The following FAM78B variants were observed in gnomAD, a reference collection of about 807,000 sequenced individuals.
FAM78B encodes family with sequence similarity 78 member B.
A neutral mutation model predicts 20.0 loss-of-function variants in FAM78B; 10 were observed. The observed-to-expected ratio is 0.50, with a 90% CI of 0.31 to 0.85. The LOEUF (loss-of-function observed/expected upper bound fraction) is 0.85, where lower values mean the gene tolerates loss of function less well. Ranked by LOEUF, FAM78B falls within the 40% of genes least tolerant of loss-of-function variation. FAM78B has a pLI of 0.05. For synonymous variants in FAM78B, 135 were observed against 132.8 expected (o/e 1.02, Z -0.12); for missense variants, 283 against 345.0 (o/e 0.82, Z 1.42).
intron 1 of FAM78B, among the ~76,000 whole-genome samples, chr1:166,128,060 T>A (rs1329886465): frequency 6.6e-6 from 1 of 152,184 alleles, no homozygotes; most frequent in Non-Finnish European, 1.5e-5. Context: ...GGAAAACTTA[T>A]AGTAAATAAA....
chr1:166,166,957 A>G lies in FAM78B; in HGVS notation c.-709T>C, dbSNP rs1325503108. On this transcript the variant is annotated 5_prime_UTR_variant, in exon 1 of 2. Coordinates refer to ENST00000354422, the MANE Select transcript of FAM78B (RefSeq NM_001017961.5). Reference sequence around the variant, plus strand: ...CGGGGTGGAGAGCCCCAACGGCTGGAGCAGCACAGGACGTGCTCCGCGGAG... The same window carrying G: ...CGGGGTGGAGAGCCCCAACGGCTGGGGCAGCACAGGACGTGCTCCGCGGAG... 3 of 145,726 alleles carry G rather than the reference A, an allele frequency of 2.1e-5. No homozygotes were observed. Among genetic ancestry groups the G allele is most frequent in the East Asian group, 2.1e-4 (1 of 4,666 alleles). The allele number at this position is 145,726 out of a possible 1,614,324, so 9.0% of individuals were successfully genotyped here.
intron 1 of FAM78B, among the ~76,000 whole-genome samples, chr1:166,096,883 T>C (rs543764144): frequency 7.9e-5 from 12 of 152,256 alleles, no homozygotes; most frequent in East Asian, 3.9e-4. Flanking sequence ...CAAGACTAGA[T>C]TGCAGCTCTG....
intron 1 of FAM78B, among the ~76,000 whole-genome samples, chr1:166,162,607 C>T (rs896768835): frequency 6.6e-6 from 1 of 152,160 alleles, no homozygotes; most frequent in Non-Finnish European, 1.5e-5. Flanking sequence ...CCATTATAAA[C>T]GTCTTCCACT....
chr1:166,088,162 G>T (rs1301974933), intron 1 of FAM78B, among the ~76,000 whole-genome samples: 1 of 152,190 alleles, frequency 6.6e-6, no homozygotes, highest in Non-Finnish European at 1.5e-5. Flanking sequence ...GATGATTCTG[G>T]CATCCATGTG....
At position 166,070,350 on chromosome 1, in the gene FAM78B, A is replaced by G. The variant is rs1377399168; in HGVS notation, c.677T>C (p.Met226Thr). Residue 226 changes from methionine (M) to threonine (T), a missense_variant, in exon 2 of 2, where the codon ATG becomes ACG. Met to Thr is a moderately conservative substitution (Grantham distance 81). Coordinates refer to ENST00000354422, the MANE Select transcript of FAM78B (RefSeq NM_001017961.5). ...TAGTGCATTAGGGGGGATGGGTTCCATCCGGCTCAGGATCCGGGGCTGCTC... is the reference window on the plus strand; with the variant it reads ...TAGTGCATTAGGGGGGATGGGTTCCGTCCGGCTCAGGATCCGGGGCTGCTC... ...QQEQPRILSR[M>T]EPIPPNALVK... The G allele has an allele frequency of 1.9e-6, 3 of 1,612,868 alleles. No individual in the cohort carries two copies. The South Asian group carries it at 3.3e-5, about 18-fold the overall frequency.
At chr1:166,131,376 C>T (rs148525351) in intron 1 of FAM78B, among the ~76,000 whole-genome samples, 256 of 152,240 alleles carry the variant, frequency 1.7e-3, no homozygotes, top group Non-Finnish European at 2.8e-3. Context: ...GCCCAGCAGG[C>T]AGCTAAGGCC....
At chr1:166,108,276 G>C (rs1197129052) in intron 1 of FAM78B, among the ~76,000 whole-genome samples, 2 of 152,098 alleles carry the variant, frequency 1.3e-5, no homozygotes, top group African/African-American at 2.4e-5. Context: ...TCCTAGAACT[G>C]ATAAAAGAAT....
At chr1:166,101,640 T>G (rs905135191) in intron 1 of FAM78B, among the ~76,000 whole-genome samples, 2 of 151,934 alleles carry the variant, frequency 1.3e-5, no homozygotes, top group Non-Finnish European at 2.9e-5. Flanking sequence ...TGAAATGAAG[T>G]GAGAAGGAAG....
chr1:166,071,896 A>T (rs1469206495), intron 1 of FAM78B, among the ~76,000 whole-genome samples: 1 of 152,186 alleles, frequency 6.6e-6, no homozygotes, highest in Admixed American at 6.5e-5. Flanking sequence ...AGCAGCTCCA[A>T]GACCAGTCAG....
chr1:166,152,008 C>T (rs1225341746), intron 1 of FAM78B, among the ~76,000 whole-genome samples: 2 of 152,204 alleles, frequency 1.3e-5, no homozygotes, highest in African/African-American at 4.8e-5. Context: ...CGCAACCCCA[C>T]AGGTACCCAG....
At chr1:166,088,256 T>C (rs1571150089) in intron 1 of FAM78B, among the ~76,000 whole-genome samples, 1 of 152,248 alleles carries the variant, frequency 6.6e-6, no homozygotes, top group Admixed American at 6.5e-5. Flanking sequence ...AGGTGCTTTA[T>C]GACTCGTCTG....
intron 1 of FAM78B, among the ~76,000 whole-genome samples, chr1:166,103,953 A>C (rs2101749729): frequency 6.6e-6 from 1 of 152,364 alleles, no homozygotes; most frequent in African/African-American, 2.4e-5. Flanking sequence ...AAAAATCCTC[A>C]ATAAAATACT....
intron 1 of FAM78B, among the ~76,000 whole-genome samples, chr1:166,096,939 A>G (rs1224558458): frequency 6.6e-6 from 1 of 152,172 alleles, no homozygotes; most frequent in Admixed American, 6.5e-5. Flanking sequence ...GTAGGTCCAG[A>G]TCGACTGCAA....
chr1:166,078,064 G>A (rs952482700), intron 1 of FAM78B, among the ~76,000 whole-genome samples: 5 of 147,356 alleles, frequency 3.4e-5, no homozygotes, highest in East Asian at 2.0e-4. Flanking sequence ...ATGGAGTCTC[G>A]CTCCGTTTCC....
intron 1 of FAM78B, among the ~76,000 whole-genome samples, chr1:166,084,021 G>GT (rs1316356673): frequency 1.3e-5 from 2 of 151,788 alleles, no homozygotes; most frequent in African/African-American, 4.8e-5. Context: ...TCTTGACAAG[G>GT]TAACAGGAGG....
At chr1:166,105,582 G>A (rs1242040774) in intron 1 of FAM78B, among the ~76,000 whole-genome samples, 1 of 152,250 alleles carries the variant, frequency 6.6e-6, no homozygotes, top group Non-Finnish European at 1.5e-5. Context: ...AGACATGTAT[G>A]CAGCCAACAG....
chr1:166,069,037 AAAGTT>A (rs1298018257), downstream of FAM78B, among the ~76,000 whole-genome samples: 18 of 152,336 alleles, frequency 1.2e-4, no homozygotes, highest in East Asian at 5.8e-4. Flanking sequence ...GAAGAGCTCT[AAAGTT>A]AAGTTAAGCC....
rs1377565040 is a variant in FAM78B, at chr1:166,166,153, C to T, written c.96G>A (p.Thr32=). The T allele has an allele frequency of 6.2e-7, 1 of 1,606,246 alleles. No individual in the cohort carries two copies. The highest frequency in any genetic ancestry group is 1.1e-5 in the South Asian group (1 of 89,972). The part of the protein sequence containing the change: ...DVCATIDQCP[T]RIEETSPIVL... ...CGATGGGCGAGGTCTCCTCGATGCG[C>T]GTGGGGCACTGGTCGATGGTGGCGC... The change falls in exon 1 of 2, where the codon ACG becomes ACA. Residue 32 remains threonine (T), a synonymous_variant. Transcript: ENST00000354422.
At chr1:166,156,595 T>C (rs1173802857) in intron 1 of FAM78B, among the ~76,000 whole-genome samples, 2 of 152,240 alleles carry the variant, frequency 1.3e-5, no homozygotes, top group Admixed American at 1.3e-4. Flanking sequence ...CCTACATGTT[T>C]CATGATTATT....
Sources: gnomAD v4.1 joint callset for allele counts (sites outside exome capture counted in the v4.1 genomes callset) on GRCh38, gnomAD v4.1.1 for gene constraint, MANE v1.5 for transcripts, NCBI Gene and HGNC (gene_info 2026-07-23, HGNC 2026-07-21) for gene names.